The following SLF2 variants were observed in gnomAD, a reference collection of about 807,000 sequenced individuals.
SLF2 encodes SMC5-SMC6 complex localization factor protein 2.
Under a neutral mutation model 124.3 loss-of-function variants are expected in SLF2, and 68 were observed. The observed-to-expected ratio is 0.55, with a 90% CI of 0.45 to 0.67. The LOEUF is 0.67. Among genes scored for constraint, SLF2 ranks in the 30% least tolerant of loss-of-function variants. The pLI is 0.00. For missense variants in SLF2, 1,246 were observed against 1,373.7 expected (o/e 0.91, Z 1.47); for synonymous variants, 480 against 478.8 (o/e 1.00, Z -0.03).
At position 100,930,852 on chromosome 10, in the gene SLF2, C is replaced by A. The variant is rs941817896; in HGVS notation, c.2334-124C>A. The A allele has an allele frequency of 2.2e-5, 16 of 713,238 alleles. No homozygotes were observed. The African/African-American group carries it at 2.7e-4, about 12-fold the overall frequency. The allele number at this position is 713,238 out of a possible 1,614,324, so 44.2% of individuals were successfully genotyped here. On this transcript the variant is annotated intron_variant, in intron 8 of 19. Coordinates refer to ENST00000238961, the MANE Select transcript of SLF2 (RefSeq NM_018121.4). ...CTCATCCATATTGGTATAGAGTCCA[C>A]CTCTATGGACTGAAGACAGTTTGCT...
chr10:100,921,399 C>T (rs1187159486), intron 4 of SLF2, among the ~76,000 whole-genome samples: 1 of 152,072 alleles, frequency 6.6e-6, no homozygotes, highest in African/African-American at 2.4e-5. Flanking sequence ...TTTCTTTTTA[C>T]AAACTCAATC....
In SLF2 at chr10:100,924,317, C is replaced by T; in HGVS notation, c.1316C>T (p.Pro439Leu). The T allele has an allele frequency of 1.2e-6, 2 of 1,614,032 alleles. No individual in the cohort carries two copies. Among genetic ancestry groups the T allele is most frequent in the Non-Finnish European group, 1.7e-6 (2 of 1,180,014 alleles). ...AGTKETKMQK[P>L]HLPLSQEKSA... ...ACCAAGGAGACTAAGATGCAGAAAC[C>T]CCACTTACCTTTATCTCAGGAAAAG... Residue 439 changes from proline to leucine, a missense_variant, in exon 5 of 20, where the codon CCC becomes CTC. Transcript: ENST00000238961.
chr10:100,932,921 GT>G lies in SLF2; in HGVS notation c.2436+1845del, dbSNP rs1426559366. On this transcript the variant is annotated intron_variant, in intron 9 of 19. Coordinates refer to ENST00000238961, the MANE Select transcript of SLF2 (RefSeq NM_018121.4). Reference sequence around the variant, plus strand: ...AGCTTGTCAATGTCACTCCTAAAGTGTTCCCTCACTGCCTCCACTAAAGATA... The same window carrying G: ...AGCTTGTCAATGTCACTCCTAAAGTGTCCCTCACTGCCTCCACTAAAGATA... Among the ~76,000 whole-genome samples, 3 of 152,086 alleles carry G rather than the reference GT, an allele frequency of 2.0e-5. No homozygotes were observed. In the East Asian group the frequency reaches 5.8e-4, roughly 29 times the overall value.
intron 17 of SLF2, among the ~76,000 whole-genome samples, chr10:100,951,764 C>T (rs1306605724): frequency 6.6e-6 from 1 of 152,218 alleles, no homozygotes; most frequent in Non-Finnish European, 1.5e-5. Context: ...TTGCCATTCC[C>T]CTTTTGTTCC....
At position 100,950,723 on chromosome 10, in the gene SLF2, T is replaced by C; in HGVS notation, c.3300T>C (p.Ser1100=). 6.2e-7 allele frequency: 1 copy of C among 1,614,054 alleles called. No individual in the cohort carries two copies. Residue 1100 remains serine (S), a synonymous_variant, in exon 17 of 20, where the codon AGT becomes AGC. Coordinates refer to ENST00000238961, the MANE Select transcript of SLF2 (RefSeq NM_018121.4). Reference sequence around the variant, plus strand: ...TTCTTCATTTAGTCGGTGAAGTTAGTTGTTCTCATTCTTTTTCTTCTGGAC... The same window carrying C: ...TTCTTCATTTAGTCGGTGAAGTTAGCTGTTCTCATTCTTTTTCTTCTGGAC... ...YILLHLVGEV[S]CSHSFSSGQR... is the part of the protein sequence containing the mutation.
rs1390480978 is a variant in SLF2, at chr10:100,963,438, GT to G, written c.*1528del. The G allele has an allele frequency of 6.6e-6, 1 of 152,538 alleles. No homozygotes were observed. The highest frequency in any genetic ancestry group is 1.5e-5 in the Non-Finnish European group (1 of 68,026). The allele number at this position is 152,538 out of a possible 1,614,324, so 9.4% of individuals were successfully genotyped here. A position where few individuals can be genotyped will look rare whatever the true frequency, so the allele number is the denominator to read the frequency against. ...CAGACCAACAAAAGTTTTATTCTGT[GT>G]TGTTTACTGGTAAGAATATTATTAT... On this transcript the variant is annotated 3_prime_UTR_variant, in exon 20 of 20. Transcript: ENST00000238961.
rs1175310288 is a variant in SLF2, at chr10:100,945,430, T to G, written c.2858T>G (p.Leu953Arg). 6.3e-7 allele frequency: 1 copy of G among 1,598,378 alleles called. No individual in the cohort carries two copies. Among genetic ancestry groups the G allele is most frequent in the Non-Finnish European group, 8.5e-7 (1 of 1,176,700 alleles). ...MLFKMSLEKQ[L>R]KQIPLVDFQS... ...TTTAAAATGAGTTTGGAAAAACAGC[T>G]GAAACAGATTCCTTTAGTAGACTTT... The change falls in exon 13 of 20, where the codon CTG becomes CGG. Residue 953 changes from leucine to arginine, a missense_variant. Leu to Arg is a moderately radical substitution (Grantham distance 102). This residue lies in a region of SLF2 where 535 missense variants were observed against 632.8 expected (regional missense o/e 0.85). Coordinates refer to ENST00000238961, the MANE Select transcript of SLF2 (RefSeq NM_018121.4).
At chr10:100,923,493 A>G (rs897572916) in intron 4 of SLF2, among the ~76,000 whole-genome samples, 3 of 149,426 alleles carry the variant, frequency 2.0e-5, no homozygotes, top group Non-Finnish European at 1.5e-5. Context: ...CACCAGTCAT[A>G]CTGCATTGGG....
intron 1 of SLF2, chr10:100,914,028 G>A (rs1285324589): frequency 5.3e-6 from 2 of 379,648 alleles, no homozygotes; most frequent in African/African-American, 4.4e-5. Context: ...AACGTTTTCA[G>A]TAAGTTTGGC....
At chr10:100,915,940 T>G in intron 1 of SLF2, 59 bp from the exon 2 acceptor site, 1 of 1,283,624 alleles carries the variant, frequency 7.8e-7, no homozygotes, top group South Asian at 1.2e-5. Context: ...CCATTTAATC[T>G]GAGTTATGAA....
chr10:100,961,785 C>A, intron 19 of SLF2, 92 bp from the exon 20 acceptor site: 1 of 1,062,362 alleles, frequency 9.4e-7, no homozygotes, highest in African/African-American at 1.6e-5. Flanking sequence ...CTTATCAAAG[C>A]CCATTGTCTG....
rs1166046752 is a variant in SLF2 at position 100,925,018 on chromosome 10, GATTA to G, written c.1971+51_1971+54del. 7.9e-6 allele frequency: 12 copies of G among 1,519,636 alleles called. No homozygotes were observed. In the East Asian group the frequency reaches 9.1e-5, roughly 11 times the overall value. The allele number at this position is 1,519,636 out of a possible 1,614,324, so 94.1% of individuals were successfully genotyped here. A position where few individuals can be genotyped will look rare whatever the true frequency, so the allele number is the denominator to read the frequency against. ...TATCTTTACTTGAAGAGGGAAAGAT[GATTA>G]ATTAGTGAAAGGGGTGGATTATCGG... On this transcript the variant is annotated intron_variant, in intron 5 of 19. Transcript: ENST00000238961.
intron 4 of SLF2, 150 bp downstream of exon 4, chr10:100,918,591 A>T (rs143955433): frequency 5.1e-5 from 29 of 564,786 alleles, no homozygotes; most frequent in East Asian, 3.2e-4. Flanking sequence ...AGATCATATT[A>T]AAAAAGACTA....
chr10:100,937,618 GTT>G, intron 10 of SLF2, 141 bp downstream of exon 10: 1 of 535,178 alleles, frequency 1.9e-6, no homozygotes, highest in Non-Finnish European at 3.2e-6. Context: ...GTTTTTTTTG[GTT>G]TTTTTTTTGA....
At position 100,944,420 on chromosome 10, in the gene SLF2, A is replaced by G. The variant is rs557582285; in HGVS notation, c.2757+292A>G. 2.0e-3 allele frequency among the ~76,000 whole-genome samples: 287 copies of G among 145,556 alleles called. 2 individuals carry two copies. Among genetic ancestry groups the G allele is most frequent in the African/African-American group, 6.3e-3 (248 of 39,536 alleles). ...TGAGGCAGGAGAATGGCGTGAACCC[A>G]GGAGGCGGAGCTTGCAGTGAGCCGG... is the stretch of plus-strand genomic sequence containing the variant. On this transcript the variant is annotated intron_variant, in intron 12 of 19. Coordinates refer to ENST00000238961, the MANE Select transcript of SLF2 (RefSeq NM_018121.4).
rs1013732373 is a variant in SLF2 at position 100,935,064 on chromosome 10, A to T, written c.2437-2338A>T. On this transcript the variant is annotated intron_variant, in intron 9 of 19. Transcript: ENST00000238961. ...TAAATGATTTAAAAAAATTTTTTTT[A>T]AACTTGAGATTTTTGTTCCCAAAAA... 2.6e-5 allele frequency among the ~76,000 whole-genome samples: 4 copies of T among 152,204 alleles called. No homozygotes were observed. The South Asian group carries it at 6.2e-4, about 24-fold the overall frequency.
In SLF2 at chr10:100,945,349, CT is replaced by C; in HGVS notation, c.2778del (p.Ile927TyrfsTer11). On this transcript the variant is annotated frameshift_variant, in exon 13 of 20. Transcript: ENST00000238961. LOFTEE classifies it high-confidence loss of function. ...NVVKFLGLCTSIHPEGYQDRE... is the reference protein window; with the variant it reads ...NVVKFLGLCTXIHPEGYQDRE... The stretch of plus-strand genomic sequence containing the variant: ...AAACAGTTTCTAGGCTTGTGTACAT[CT>C]ATACATCCAGAAGGTTACCAGGATC... The C allele has an allele frequency of 6.3e-7, 1 of 1,593,406 alleles. No individual in the cohort carries two copies. Among genetic ancestry groups the C allele is most frequent in the Non-Finnish European group, 8.5e-7 (1 of 1,175,040 alleles).
Position 100,917,030 on chromosome 10 carries a change from C to T in SLF2, c.645C>T (p.Ser215=), listed in dbSNP as rs532419131. The change falls in exon 3 of 20, where the codon AGC becomes AGT. Residue 215 remains serine, a synonymous_variant. Transcript: ENST00000238961. ...ACATCTTCAATAACAGCTCCAGAAGCCTTAGCAGCAGGAGCAGCCTGTCCA... is the reference window on the plus strand; with the variant it reads ...ACATCTTCAATAACAGCTCCAGAAGTCTTAGCAGCAGGAGCAGCCTGTCCA... ...EADIFNNSSR[S]LSSRSSLSRH... 1 of 1,614,138 alleles carries T rather than the reference C, an allele frequency of 6.2e-7. No individual in the cohort carries two copies. Among genetic ancestry groups the T allele is most frequent in the Admixed American group, 1.7e-5 (1 of 60,024 alleles).
At chr10:100,954,825 C>G (rs576126988) in intron 17 of SLF2, among the ~76,000 whole-genome samples, 1 of 152,168 alleles carries the variant, frequency 6.6e-6, no homozygotes, top group Admixed American at 6.5e-5. Flanking sequence ...ACCTGTAGTC[C>G]CAGCTACCCA....
Sources: allele counts gnomAD v4.1 joint callset (sites outside exome capture counted in the v4.1 genomes callset), GRCh38; gene constraint gnomAD v4.1.1; regional missense constraint gnomAD v4.1.1; transcripts MANE v1.5; gene names NCBI Gene and HGNC (gene_info 2026-07-23, HGNC 2026-07-21).